The following SYBU variants were observed in gnomAD, a reference collection of about 807,000 sequenced individuals.
SYBU encodes GOLSYN A protein.
A neutral mutation model predicts 35.9 loss-of-function variants in SYBU; 21 were observed. The observed-to-expected ratio is 0.58, with a 90% confidence interval of 0.41 to 0.84. The LOEUF (loss-of-function observed/expected upper bound fraction) is 0.84, where lower values mean the gene tolerates loss of function less well. SYBU is among the 40% of genes least tolerant of loss of function. The probability of loss-of-function intolerance (pLI) is 0.00; values close to 1 mark genes in which losing one functional copy is unlikely to be tolerated. For missense variants in SYBU, 768 were observed against 848.2 expected, an observed-to-expected ratio of 0.91 and a Z score of 1.17; for synonymous variants, 319 against 324.3, an observed-to-expected ratio of 0.98 and a Z score of 0.18.
rs145099176 is a variant in SYBU at position 109,592,610 on chromosome 8, G to A, written c.428-6448C>T. ...TGGGCTGGCTCAGCTACCTGTCTAA[G>A]CAGAAATACAGGTGACCCATCTGCT... On this transcript the variant is annotated intron_variant, in intron 3 of 6. Coordinates refer to ENST00000276646, the MANE Select transcript of SYBU (RefSeq NM_001099754.2). 3.3e-5 allele frequency among the ~76,000 whole-genome samples: 5 copies of A among 152,312 alleles called. No homozygotes were observed. In the East Asian group the frequency reaches 9.7e-4, roughly 29 times the overall value.
At chr8:109,592,434 C>A (rs374937681) in intron 3 of SYBU, among the ~76,000 whole-genome samples, 1 of 148,818 alleles carries the variant, frequency 6.7e-6, no homozygotes, top group African/African-American at 2.5e-5. Flanking sequence ...TCTGAAAGTC[C>A]CAGGGGAAAT....
rs1027376565 is a variant in SYBU, at chr8:109,584,571, C to T, written c.530+1489G>A. On this transcript the variant is annotated intron_variant, in intron 4 of 6. Transcript: ENST00000276646. This position sits in a 1 kb window ranked among gnomAD's most constrained non-coding sequence, Gnocchi z 4.0. ...TGTTTACATTCATGTCCTATAATCC[C>T]AGAGGCACTTTATTGCCAAAATGGT... 5.3e-5 allele frequency among the ~76,000 whole-genome samples: 8 copies of T among 152,096 alleles called. No homozygotes were observed. The highest frequency in any genetic ancestry group is 1.4e-4 in the African/African-American group (6 of 41,398).
chr8:109,676,844 A>G lies in SYBU; in HGVS notation c.-129+3867T>C, dbSNP rs567973108. ...GACATGGCACCCAAGAGGGAATGGGATTCTCTGCATAATGAAGAACATGTC... is the reference window on the plus strand; with the variant it reads ...GACATGGCACCCAAGAGGGAATGGGGTTCTCTGCATAATGAAGAACATGTC... On this transcript the variant is annotated intron_variant, in intron 1 of 5. Transcript: ENST00000408889. Among the ~76,000 whole-genome samples the G allele has an allele frequency of 2.0e-5, 3 of 152,304 alleles. No homozygotes were observed. In the East Asian group the frequency reaches 5.8e-4, roughly 29 times the overall value.
At chr8:109,615,272 A>C (rs1586835690) in intron 3 of SYBU, among the ~76,000 whole-genome samples, 1 of 152,220 alleles carries the variant, frequency 6.6e-6, no homozygotes, top group South Asian at 2.1e-4. Flanking sequence ...TAGAGCATGC[A>C]TCAAGAGTTG....
In SYBU at chr8:109,593,802, T is replaced by TC. The variant is rs149592366; in HGVS notation, c.428-7641dup. ...CACACTGACTCAGCTCAGGAACCAC[T>TC]CCAGTGGCAGGCATGTCCAACGGGC... On this transcript the variant is annotated intron_variant, in intron 3 of 6. Coordinates refer to ENST00000276646, the MANE Select transcript of SYBU (RefSeq NM_001099754.2). Among the ~76,000 whole-genome samples the TC allele has an allele frequency of 4.1e-3, 626 of 152,190 alleles. 5 individuals carry two copies. The highest frequency in any genetic ancestry group is 0.014 in the African/African-American group (574 of 41,534).
intron 3 of SYBU, among the ~76,000 whole-genome samples, chr8:109,602,333 C>T (rs889618737): frequency 2.0e-5 from 3 of 151,498 alleles, no homozygotes; most frequent in East Asian, 1.9e-4. Flanking sequence ...AACAATGTCT[C>T]TTATATATTG....
Position 109,618,999 on chromosome 8 carries a change from C to T in SYBU, c.270G>A (p.Val90=), listed in dbSNP as rs754248121. ...TGTTTCCAGCATCTGAGGGTGTCTT[C>T]ACAGGAGACACTGACTGGCTGCTAG... ...GCPSSQSVSP[V]KTPSDAGNSP... is the part of the protein sequence containing the mutation. The change falls in exon 3 of 7, where the codon GTG becomes GTA. Residue 90 remains valine, a synonymous_variant. Coordinates refer to ENST00000276646, the MANE Select transcript of SYBU (RefSeq NM_001099754.2). 51 of 1,614,012 alleles carry T rather than the reference C, an allele frequency of 3.2e-5. No homozygotes were observed. Among genetic ancestry groups the T allele is most frequent in the Non-Finnish European group, 4.3e-5 (51 of 1,179,994 alleles).
At chr8:109,664,602 GTTGT>G (rs955263239) in intron 1 of SYBU, among the ~76,000 whole-genome samples, 1 of 152,132 alleles carries the variant, frequency 6.6e-6, no homozygotes, top group South Asian at 2.1e-4. Context: ...AAAAGCAGGT[GTTGT>G]TTAAGTACTA....
chr8:109,676,925 T>C (rs1375103789), intron 1 of SYBU, among the ~76,000 whole-genome samples: 4 of 152,196 alleles, frequency 2.6e-5, no homozygotes, highest in African/African-American at 7.2e-5. Context: ...AACATTTATG[T>C]TGGTTAAGAT....
intron 1 of SYBU, among the ~76,000 whole-genome samples, chr8:109,690,162 A>G (rs930798269): frequency 3.9e-5 from 6 of 152,224 alleles, no homozygotes; most frequent in Non-Finnish European, 7.3e-5. Flanking sequence ...AAATAAATTA[A>G]GCAATCAAAA....
chr8:109,631,043 C>G (rs1368178703), intron 2 of SYBU, among the ~76,000 whole-genome samples: 2 of 152,082 alleles, frequency 1.3e-5, no homozygotes, highest in Non-Finnish European at 2.9e-5. Context: ...TGAAGGCAGA[C>G]AAGGGGAATA....
chr8:109,659,790 A>T (rs1281518524), intron 1 of SYBU, among the ~76,000 whole-genome samples: 2 of 152,186 alleles, frequency 1.3e-5, no homozygotes, highest in African/African-American at 4.8e-5. Context: ...TGAATTGAGT[A>T]TTAGTAGGGG....
chr8:109,604,898 CT>C (rs1825915232), intron 3 of SYBU, among the ~76,000 whole-genome samples: 2 of 152,204 alleles, frequency 1.3e-5, no homozygotes, highest in Non-Finnish European at 2.9e-5. Flanking sequence ...GAAATCAGAT[CT>C]TCCTGGCAGA....
chr8:109,582,759 T>C (rs1441109195), intron 4 of SYBU, among the ~76,000 whole-genome samples: 1 of 152,094 alleles, frequency 6.6e-6, no homozygotes, highest in Non-Finnish European at 1.5e-5. Context: ...CACAGAATAA[T>C]GGGGCTTTAA....
intron 1 of SYBU, among the ~76,000 whole-genome samples, chr8:109,664,529 A>AC (rs1816688376): frequency 6.6e-6 from 1 of 152,170 alleles, no homozygotes; most frequent in South Asian, 2.1e-4. Flanking sequence ...CCACAAAGCT[A>AC]CTTTTTTTTC....
Position 109,575,478 on chromosome 8 carries a change from C to A in SYBU, c.1420G>T (p.Val474Phe). ...GANVLELLPIVMGQEEGSVVV... is the reference protein window; with the variant it reads ...GANVLELLPIFMGQEEGSVVV... ...ACACTGCCCTCCTCCTGACCCATGACTATGGGCAGCAGCTCCAGGACGTTA... is the reference window on the plus strand; with the variant it reads ...ACACTGCCCTCCTCCTGACCCATGAATATGGGCAGCAGCTCCAGGACGTTA... The change falls in exon 7 of 7, where the codon GTC becomes TTC. Residue 474 changes from valine to phenylalanine, a missense_variant. Transcript: ENST00000276646. 1 of 1,614,146 alleles carries A rather than the reference C, an allele frequency of 6.2e-7. No homozygotes were observed. Among genetic ancestry groups the A allele is most frequent in the East Asian group, 2.2e-5 (1 of 44,856 alleles).
At chr8:109,583,484 A>C (rs188845913) in intron 4 of SYBU, among the ~76,000 whole-genome samples, 20 of 152,320 alleles carry the variant, frequency 1.3e-4, no homozygotes, top group Admixed American at 5.2e-4. Flanking sequence ...TAAGCCTTTA[A>C]AGTTTTTGTT....
intron 1 of SYBU, among the ~76,000 whole-genome samples, chr8:109,664,104 T>G (rs1318725417): frequency 2.6e-5 from 4 of 152,112 alleles, no homozygotes; most frequent in African/African-American, 9.7e-5. Context: ...AGAAAAAAAT[T>G]GAAAGTTTAA....
intron 3 of SYBU, among the ~76,000 whole-genome samples, chr8:109,618,306 G>C (rs1208643976): frequency 1.3e-5 from 2 of 152,100 alleles, no homozygotes; most frequent in Non-Finnish European, 2.9e-5. Flanking sequence ...TCATCTTATA[G>C]CTTCTAATAT....
Sources: allele counts gnomAD v4.1 joint callset (sites outside exome capture counted in the v4.1 genomes callset), GRCh38; gene constraint gnomAD v4.1.1; non-coding constraint Gnocchi (gnomAD v3.1); transcripts MANE v1.5; gene names NCBI Gene and HGNC (gene_info 2026-07-23, HGNC 2026-07-21).